Variants in PRC1 observed in about 807,000 individuals in gnomAD.
PRC1 encodes the protein anaphase spindle elongation 1 homolog.
In PRC1, 54 loss-of-function variants were observed where a neutral mutation model predicts 91.2. The ratio of observed to expected loss-of-function variants is 0.59; its 90% CI spans 0.48 to 0.74. PRC1 has a LOEUF of 0.74. Ranked by LOEUF, PRC1 falls within the 30% of genes least tolerant of loss-of-function variation. The probability of loss-of-function intolerance (pLI) is 0.00; values close to 1 mark genes in which losing one functional copy is unlikely to be tolerated. For missense variants in PRC1, 727 were observed against 746.2 expected, an observed-to-expected ratio of 0.97 and a Z score of 0.30; for synonymous variants, 275 against 263.6, an observed-to-expected ratio of 1.04 and a Z score of -0.42.
In PRC1 at chr15:90,967,208, G is replaced by A. The variant is rs550370133; in HGVS notation, c.1792-6C>T. 20 of 1,612,464 alleles carry A rather than the reference G, an allele frequency of 1.2e-5. No individual in the cohort carries two copies. The highest frequency in any genetic ancestry group is 9.3e-5 in the African/African-American group (7 of 75,000). ...GAAGCCTTTGAAAGTTCTCGCTGTT[G>A]AAAAATAAATAACATCAGTGGCCAT... On this transcript the variant is annotated splice_polypyrimidine_tract_variant and splice_region_variant and intron_variant, in intron 14 of 14. Coordinates refer to ENST00000394249, the MANE Select transcript of PRC1 (RefSeq NM_003981.4).
chr15:90,968,739 G>A (rs2151414482), intron 14 of PRC1: 1 of 1,149,976 alleles, frequency 8.7e-7, no homozygotes, highest in East Asian at 5.7e-5. Context: ...GCACACAGCT[G>A]GGGCTCCCTT....
At chr15:90,990,606 G>A (rs1454705869) in intron 1 of PRC1, among the ~76,000 whole-genome samples, 2 of 151,798 alleles carry the variant, frequency 1.3e-5, no homozygotes, top group Non-Finnish European at 2.9e-5. Context: ...GGATTTTAAA[G>A]GGGTGATAAA....
intron 9 of PRC1, among the ~76,000 whole-genome samples, chr15:90,975,379 G>A (rs760765496): frequency 2.0e-5 from 3 of 152,166 alleles, no homozygotes; most frequent in Non-Finnish European, 2.9e-5. Context: ...ACCACGCCCG[G>A]CCAGATTTAC....
intron 11 of PRC1, among the ~76,000 whole-genome samples, chr15:90,971,445 C>T (rs2038118243): frequency 1.3e-5 from 2 of 152,100 alleles, no homozygotes; most frequent in Non-Finnish European, 2.9e-5. Context: ...GCCACCACAA[C>T]CAGCTAATTT....
chr15:90,984,199 C>T lies in PRC1; in HGVS notation c.145-59G>A, dbSNP rs1226859488. On this transcript the variant is annotated intron_variant, in intron 2 of 14. Transcript: ENST00000394249. The surrounding 1 kb of genome is among the most constrained non-coding windows in gnomAD (Gnocchi z 5.1). ...CAATGGAGGAAAAAAACTCCCAACACCAATACCAAACTCCTCAAATTTCTT... is the reference window on the plus strand; with the variant it reads ...CAATGGAGGAAAAAAACTCCCAACATCAATACCAAACTCCTCAAATTTCTT... 7 of 1,582,760 alleles carry T rather than the reference C, an allele frequency of 4.4e-6. No individual in the cohort carries two copies. Among genetic ancestry groups the T allele is most frequent in the Non-Finnish European group, 5.2e-6 (6 of 1,161,414 alleles).
chr15:90,990,504 G>C (rs1439106063), intron 1 of PRC1, among the ~76,000 whole-genome samples: 3 of 151,546 alleles, frequency 2.0e-5, no homozygotes, highest in African/African-American at 4.9e-5. Flanking sequence ...GGAATTATAG[G>C]TGTGCGCCAC....
chr15:90,983,064 G>A (rs957320389), intron 3 of PRC1, among the ~76,000 whole-genome samples: 4 of 151,962 alleles, frequency 2.6e-5, no homozygotes, highest in African/African-American at 4.8e-5. Flanking sequence ...CTCACTTCTC[G>A]CCCAATTTCA....
intron 9 of PRC1, among the ~76,000 whole-genome samples, chr15:90,975,526 GTAT>G (rs36088839): frequency 0.052 from 7,876 of 151,980 alleles, 293 homozygotes; most frequent in South Asian, 0.15. Context: ...TCAAAAAATG[GTAT>G]TATTATTATC....
chr15:90,981,403 T>C (rs1021486706), intron 5 of PRC1, 96 bp downstream of exon 5: 2 of 1,373,494 alleles, frequency 1.5e-6, no homozygotes, highest in African/African-American at 1.4e-5. Flanking sequence ...TTACCTTACA[T>C]TGTCTCCTTA....
intron 14 of PRC1, chr15:90,968,158 T>C: frequency 1.0e-6 from 1 of 985,404 alleles, no homozygotes; most frequent in Non-Finnish European, 1.2e-6. Flanking sequence ...GGCAGGTACA[T>C]TTAAGCCTCA....
chr15:90,970,626 G>A (rs933181788), intron 11 of PRC1, 112 bp from the exon 12 acceptor site: 10 of 739,568 alleles, frequency 1.4e-5, no homozygotes, highest in African/African-American at 3.5e-5. Flanking sequence ...TAGGGAAGAC[G>A]GGTTTACATG....
In PRC1 at chr15:90,966,660, G is replaced by GGT. The variant is rs771033290; in HGVS notation, c.*469_*470dup. 5 of 456,148 alleles carry GGT rather than the reference G, an allele frequency of 1.1e-5. No individual in the cohort carries two copies. Among genetic ancestry groups the GGT allele is most frequent in the South Asian group, 7.7e-5 (5 of 64,564 alleles). The allele number at this position is 456,148 out of a possible 1,614,324, so 28.3% of individuals were successfully genotyped here. A position where few individuals can be genotyped will look rare whatever the true frequency, so the allele number is the denominator to read the frequency against. On this transcript the variant is annotated 3_prime_UTR_variant, in exon 15 of 15. Coordinates refer to ENST00000394249, the MANE Select transcript of PRC1 (RefSeq NM_003981.4). ...CTTCAGGAGGAAGGCTGTCCTGTGT[G>GGT]GTGGGGACAAGGCTTCAGGTAAGAG...
intron 11 of PRC1, among the ~76,000 whole-genome samples, chr15:90,972,204 A>AAAAC (rs2038207316): frequency 7.1e-6 from 1 of 140,104 alleles, no homozygotes; most frequent in Non-Finnish European, 1.5e-5. Flanking sequence ...AAAAAAAAAA[A>AAAAC]CACCACCAAC....
intron 5 of PRC1, 23 bp from the exon 6 acceptor site, chr15:90,981,056 C>T (rs755467130): frequency 1.2e-6 from 2 of 1,613,266 alleles, no homozygotes; most frequent in South Asian, 1.1e-5. Flanking sequence ...AAGCCAGTGT[C>T]ACTCACGGCA....
At chr15:90,975,939 AGAC>A (rs772161043) in intron 9 of PRC1, among the ~76,000 whole-genome samples, 4 of 152,198 alleles carry the variant, frequency 2.6e-5, no homozygotes, top group Admixed American at 2.0e-4. Flanking sequence ...CACACGGAGA[AGAC>A]GACAACCATT....
chr15:90,967,269 T>C, intron 14 of PRC1, 67 bp from the exon 15 acceptor site: 1 of 1,402,702 alleles, frequency 7.1e-7, no homozygotes, highest in Non-Finnish European at 1.0e-6. Flanking sequence ...CCTTCTAAGT[T>C]TGGTTAAGTG....
Position 90,984,645 on chromosome 15 carries a change from A to G in PRC1, c.144+48T>C, listed in dbSNP as rs2151570387. ...TGTATGCTATCTCGGGTGAGACACC[A>G]ACATCCTTACCCTGGTCCAATGCAG... On this transcript the variant is annotated intron_variant, in intron 2 of 14. Coordinates refer to ENST00000394249, the MANE Select transcript of PRC1 (RefSeq NM_003981.4). This position sits in a 1 kb window ranked among gnomAD's most constrained non-coding sequence, Gnocchi z 5.1. The G allele has an allele frequency of 6.2e-7, 1 of 1,606,662 alleles. No individual in the cohort carries two copies. Among genetic ancestry groups the G allele is most frequent in the East Asian group, 2.2e-5 (1 of 44,788 alleles).
At chr15:90,977,583 T>TG (rs2038836595) in intron 8 of PRC1, among the ~76,000 whole-genome samples, 1 of 143,056 alleles carries the variant, frequency 7.0e-6, no homozygotes, top group Non-Finnish European at 1.5e-5. Flanking sequence ...TACGTTTTTT[T>TG]TTTTTTTTTT....
chr15:90,969,752 TA>T (rs200982679), intron 12 of PRC1, 129 bp from the exon 13 acceptor site: 209 of 201,016 alleles, frequency 1.0e-3, no homozygotes, highest in South Asian at 4.1e-3. Context: ...ACTTTTTAGT[TA>T]AAAAAAAAAC....
Sources: gnomAD v4.1 joint callset for allele counts (sites outside exome capture counted in the v4.1 genomes callset) on GRCh38, gnomAD v4.1.1 for gene constraint, Gnocchi (gnomAD v3.1) non-coding constraint, MANE v1.5 for transcripts, NCBI Gene and HGNC (gene_info 2026-07-23, HGNC 2026-07-21) for gene names.